CDK14: variants seen among roughly 807,000 people sequenced by gnomAD.
CDK14 encodes the protein cyclin-dependent kinase 14.
Under a neutral mutation model 60.7 loss-of-function variants are expected in CDK14, and 34 were observed. The observed-to-expected ratio is 0.56, with a 90% CI of 0.43 to 0.75. CDK14 has a LOEUF of 0.75. Ranked by LOEUF, CDK14 falls within the 30% of genes least tolerant of loss-of-function variation. CDK14 has a pLI of 0.00. For missense variants in CDK14, 482 were observed against 564.1 expected (o/e 0.85, Z 1.47); for synonymous variants, 197 against 203.7 (o/e 0.97, Z 0.28).
chr7:91,028,471 T>C (rs909002406), intron 10 of CDK14, among the ~76,000 whole-genome samples: 2 of 152,236 alleles, frequency 1.3e-5, no homozygotes, highest in Non-Finnish European at 2.9e-5. Context: ...GATCGAATGG[T>C]AGATGTACTT....
chr7:90,629,369 A>C (rs2116396140), intron 2 of CDK14, among the ~76,000 whole-genome samples: 1 of 152,216 alleles, frequency 6.6e-6, no homozygotes, highest in East Asian at 1.9e-4. Context: ...CACTTTCCCC[A>C]CTGTGCTCTA....
At chr7:90,940,074 T>C (rs1793871341) in intron 8 of CDK14, among the ~76,000 whole-genome samples, 1 of 152,156 alleles carries the variant, frequency 6.6e-6, no homozygotes, top group Non-Finnish European at 1.5e-5. Context: ...TTTCTTTCTC[T>C]CTTTTTTTTC....
rs1428862301 is a variant in CDK14, at chr7:90,596,563, C to T, written c.-65C>T. 11 of 1,418,296 alleles carry T rather than the reference C, an allele frequency of 7.8e-6. No homozygotes were observed. Among genetic ancestry groups the T allele is most frequent in the Admixed American group, 1.8e-5 (1 of 55,792 alleles). 87.9% of individuals were successfully genotyped at this position (1,418,296 alleles called of 1,614,324 possible). A position where few individuals can be genotyped will look rare whatever the true frequency, so the allele number is the denominator to read the frequency against. On this transcript the variant is annotated 5_prime_UTR_variant, in exon 1 of 15. Transcript: ENST00000380050. ...CGCCGCTTTCCCCGCGGCGCGCGCC[C>T]TCGCCGTTGTCTGAGCTGTGCCTGG... is the stretch of plus-strand genomic sequence containing the variant.
At chr7:90,846,214 G>A (rs2117163237) in intron 5 of CDK14, among the ~76,000 whole-genome samples, 1 of 152,094 alleles carries the variant, frequency 6.6e-6, no homozygotes, top group South Asian at 2.1e-4. Context: ...ATATCCATAG[G>A]TTCCTCCAGA....
Position 91,008,146 on chromosome 7 carries a change from C to CAAA in CDK14, c.1041+23906_1041+23908dup, listed in dbSNP as rs1394465227. On this transcript the variant is annotated intron_variant, in intron 10 of 14. Coordinates refer to ENST00000380050, the MANE Select transcript of CDK14 (RefSeq NM_001287135.2). ...GAAGGCCAAAAAAAAAAAAAAAAAACAAACAAAAAAAAACAGTGGATGGTG... is the reference window on the plus strand; with the variant it reads ...GAAGGCCAAAAAAAAAAAAAAAAAACAAAAAACAAAAAAAAACAGTGGATGGTG... Among the ~76,000 whole-genome samples the CAAA allele has an allele frequency of 4.8e-5, 4 of 84,122 alleles. 1 individual carries two copies. The highest frequency in any genetic ancestry group is 9.2e-4 in the South Asian group (2 of 2,172). 55.2% of individuals were successfully genotyped at this position (84,122 alleles called of 152,430 possible). A position where few individuals can be genotyped will look rare whatever the true frequency, so the allele number is the denominator to read the frequency against.
At chr7:90,809,474 G>A (rs1261707335) in intron 5 of CDK14, among the ~76,000 whole-genome samples, 3 of 152,104 alleles carry the variant, frequency 2.0e-5, no homozygotes, top group Non-Finnish European at 2.9e-5. Context: ...TCAAAGCAGT[G>A]TGTAGAGGGA....
intron 2 of CDK14, among the ~76,000 whole-genome samples, chr7:90,647,744 T>C (rs1800501533): frequency 6.6e-6 from 1 of 152,134 alleles, no homozygotes; most frequent in African/African-American, 2.4e-5. Context: ...TAATCCCAAT[T>C]ACTTGGGAGG....
chr7:91,029,573 TCTCTCCTCTC>T (rs143062382), intron 10 of CDK14, among the ~76,000 whole-genome samples: 57 of 130,220 alleles, frequency 4.4e-4, no homozygotes, highest in Non-Finnish European at 7.8e-4. Context: ...GGCTTCCTTC[TCTCTCCTCTC>T]CTCTCCTCTC....
At chr7:91,205,668 T>A (rs988650622) in intron 14 of CDK14, among the ~76,000 whole-genome samples, 1 of 152,250 alleles carries the variant, frequency 6.6e-6, no homozygotes, top group African/African-American at 2.4e-5. Context: ...TATATTCTTT[T>A]AAATGATTAA....
At chr7:90,634,328 T>C (rs1800079877) in intron 2 of CDK14, among the ~76,000 whole-genome samples, 1 of 131,482 alleles carries the variant, frequency 7.6e-6, no homozygotes, top group Non-Finnish European at 1.6e-5. Context: ...ATGTTCCCCT[T>C]CCTGTGTCCA....
At chr7:90,955,354 A>G (rs963611050) in intron 8 of CDK14, among the ~76,000 whole-genome samples, 1 of 152,190 alleles carries the variant, frequency 6.6e-6, no homozygotes, top group Non-Finnish European at 1.5e-5. Context: ...TATTTGACCA[A>G]GGAACCCTTT....
chr7:90,598,067 A>T (rs1394645737), intron 1 of CDK14, among the ~76,000 whole-genome samples: 1 of 152,226 alleles, frequency 6.6e-6, no homozygotes, highest in African/African-American at 2.4e-5. Flanking sequence ...CGTGTGCATT[A>T]TTAACGAGGA....
At chr7:90,655,725 C>G (rs895479491) in intron 2 of CDK14, among the ~76,000 whole-genome samples, 3 of 152,194 alleles carry the variant, frequency 2.0e-5, no homozygotes, top group African/African-American at 7.2e-5. Flanking sequence ...TAACATAGCT[C>G]TTACTTCCTT....
intron 2 of CDK14, among the ~76,000 whole-genome samples, chr7:90,676,946 G>A (rs1011663631): frequency 4.0e-5 from 6 of 149,086 alleles, no homozygotes; most frequent in Non-Finnish European, 8.9e-5. Context: ...TGTATATCAA[G>A]TTTTTTTTTT....
Position 90,628,554 on chromosome 7 carries a change from C to T in CDK14, c.123+24305C>T, listed in dbSNP as rs1799925237. 2.0e-5 allele frequency among the ~76,000 whole-genome samples: 3 copies of T among 152,062 alleles called. No individual in the cohort carries two copies. The South Asian group carries it at 6.2e-4, about 31-fold the overall frequency. ...ATGAAATTTGGGCCAGGCATAGTGG[C>T]TCATGCCTGTAATTCCAGTGATTGG... On this transcript the variant is annotated intron_variant, in intron 2 of 14. Coordinates refer to ENST00000380050, the MANE Select transcript of CDK14 (RefSeq NM_001287135.2).
chr7:90,827,704 A>C (rs1347881516), intron 5 of CDK14, among the ~76,000 whole-genome samples: 4 of 152,226 alleles, frequency 2.6e-5, no homozygotes, highest in Admixed American at 6.5e-5. Context: ...GAGGAGTACC[A>C]ATTAAGCATC....
In CDK14 at chr7:91,209,060, G is replaced by C. The variant is rs900015988; in HGVS notation, c.*1924G>C. On this transcript the variant is annotated 3_prime_UTR_variant, in exon 15 of 15. Coordinates refer to ENST00000380050, the MANE Select transcript of CDK14 (RefSeq NM_001287135.2). ...AAAACTTTACATGCAATTAAAAATGGACTTTCCTGTGATTTGTTTTTAATC... is the reference window on the plus strand; with the variant it reads ...AAAACTTTACATGCAATTAAAAATGCACTTTCCTGTGATTTGTTTTTAATC... 1.3e-5 allele frequency: 2 copies of C among 152,572 alleles called. No individual in the cohort carries two copies. Among genetic ancestry groups the C allele is most frequent in the Admixed American group, 6.5e-5 (1 of 15,274 alleles). 9.5% of individuals were successfully genotyped at this position (152,572 alleles called of 1,614,324 possible).
At chr7:90,640,831 A>G (rs1263816034) in intron 2 of CDK14, among the ~76,000 whole-genome samples, 1 of 152,090 alleles carries the variant, frequency 6.6e-6, no homozygotes, top group Non-Finnish European at 1.5e-5. Context: ...AGAAATAAAA[A>G]TTTTACAAAT....
chr7:90,687,862 T>C (rs988523127), intron 2 of CDK14, among the ~76,000 whole-genome samples: 3 of 152,264 alleles, frequency 2.0e-5, no homozygotes, highest in African/African-American at 7.2e-5. Context: ...ATAAATAAAA[T>C]TGTGGAATAG....
Sources: allele counts gnomAD v4.1 joint callset (sites outside exome capture counted in the v4.1 genomes callset), GRCh38; gene constraint gnomAD v4.1.1; transcripts MANE v1.5; gene names NCBI Gene and HGNC (gene_info 2026-07-23, HGNC 2026-07-21).